The following RFX2 variants were observed in gnomAD, a reference collection of about 807,000 sequenced individuals.
The protein encoded by RFX2 is regulatory factor X2, also known as DNA-binding protein RFX2.
A neutral mutation model predicts 87.8 loss-of-function variants in RFX2; 20 were observed. That is an observed-to-expected ratio of 0.23 (90% CI 0.16 to 0.33). The LOEUF (loss-of-function observed/expected upper bound fraction) is 0.33, where lower values mean the gene tolerates loss of function less well. RFX2 is among the 10% of genes least tolerant of loss of function. The pLI is 1.00. For synonymous variants in RFX2, 397 were observed against 431.3 expected (o/e 0.92, Z 0.98); for missense variants, 767 against 1,012.3 (o/e 0.76, Z 3.29).
chr19:6,029,004 G>A (rs370274601), intron 5 of RFX2, among the ~76,000 whole-genome samples: 10 of 151,914 alleles, frequency 6.6e-5, no homozygotes, highest in East Asian at 5.8e-4. Context: ...GCTTGAATCC[G>A]GGAAGCAGAG....
rs2087337298 is a variant in RFX2 at position 6,056,158 on chromosome 19, T to C, written c.-8-8654A>G. 6.6e-6 allele frequency among the ~76,000 whole-genome samples: 1 copy of C among 152,132 alleles called. No individual in the cohort carries two copies. The highest frequency in any genetic ancestry group is 6.5e-5 in the Admixed American group (1 of 15,276). On this transcript the variant is annotated intron_variant, in intron 1 of 17. Coordinates refer to ENST00000303657, the MANE Select transcript of RFX2 (RefSeq NM_000635.4). This position sits in a 1 kb window ranked among gnomAD's most constrained non-coding sequence, Gnocchi z 4.6. ...TTGTCAAAATTAGCCAGCTAAGGTTTGTGCACTTACTGTATGTGAATTTTA... is the reference window on the plus strand; with the variant it reads ...TTGTCAAAATTAGCCAGCTAAGGTTCGTGCACTTACTGTATGTGAATTTTA...
At position 6,039,528 on chromosome 19, in the gene RFX2, G is replaced by A. The variant is rs142994159; in HGVS notation, c.522+452C>T. ...GAGACTCTGGAAAAGCAGATAAGTC[G>A]TTATTTTGCATCGGGGCATGGCAGC... is the stretch of plus-strand genomic sequence containing the variant. On this transcript the variant is annotated intron_variant, in intron 5 of 17. Transcript: ENST00000303657. The surrounding 1 kb of genome is among the most constrained non-coding windows in gnomAD (Gnocchi z 5.2). 1.3e-4 allele frequency among the ~76,000 whole-genome samples: 20 copies of A among 152,360 alleles called. No homozygotes were observed. The highest frequency in any genetic ancestry group is 2.2e-4 in the Non-Finnish European group (15 of 68,040).
rs550381199 is a variant in RFX2 at position 6,068,662 on chromosome 19, C to G, written c.-8-21158G>C. Among the ~76,000 whole-genome samples the G allele has an allele frequency of 9.9e-5, 15 of 152,008 alleles. No homozygotes were observed. In the East Asian group the frequency reaches 2.7e-3, roughly 28 times the overall value. ...GAGGGAAAAGCCAGTACAAAGGCCCCGAGGTGGGACAATGCCTGGCTTGAA... is the reference window on the plus strand; with the variant it reads ...GAGGGAAAAGCCAGTACAAAGGCCCGGAGGTGGGACAATGCCTGGCTTGAA... On this transcript the variant is annotated intron_variant, in intron 1 of 17. Coordinates refer to ENST00000303657, the MANE Select transcript of RFX2 (RefSeq NM_000635.4).
intron 5 of RFX2, among the ~76,000 whole-genome samples, chr19:6,030,087 T>C (rs2086936192): frequency 6.6e-6 from 1 of 152,214 alleles, no homozygotes; most frequent in Non-Finnish European, 1.5e-5. Context: ...AAGTAATGGC[T>C]GAAAACTTCC....
chr19:6,016,187 A>G lies in RFX2; in HGVS notation c.682T>C (p.Cys228Arg). Residue 228 changes from cysteine to arginine, a missense_variant, in exon 7 of 18, where the codon TGC (cysteine) becomes CGC (arginine). This residue lies in a region of RFX2 where 621 missense variants were observed against 873.0 expected (regional missense o/e 0.71). Transcript: ENST00000303657. This position sits in a 1 kb window ranked among gnomAD's most constrained non-coding sequence, Gnocchi z 5.4. ...ACTGGGTCTAGCTTGTGCTCCTGGC[A>G]GTGCCGAAGGTAGTGGTTGTAAAGA... ...SSLYNHYLRH[C>R]QEHKLDPVNA... 1 of 1,614,186 alleles carries G rather than the reference A, an allele frequency of 6.2e-7. No individual in the cohort carries two copies. Among genetic ancestry groups the G allele is most frequent in the Non-Finnish European group, 8.5e-7 (1 of 1,179,988 alleles).
rs374698271 is a variant in RFX2 at position 6,012,976 on chromosome 19, C to G, written c.899+10G>C. ...AGAGCCAGCTCCTCCCAGCTCGGCC[C>G]GGCACCCACCTGGGCTTCTGGTGCA... On this transcript the variant is annotated intron_variant, in intron 8 of 17. Transcript: ENST00000303657. This position sits in a 1 kb window ranked among gnomAD's most constrained non-coding sequence, Gnocchi z 4.6. 1 of 1,525,240 alleles carries G rather than the reference C, an allele frequency of 6.6e-7. No homozygotes were observed. The highest frequency in any genetic ancestry group is 8.8e-7 in the Non-Finnish European group (1 of 1,136,132). The allele number at this position is 1,525,240 out of a possible 1,614,324, so 94.5% of individuals were successfully genotyped here.
In RFX2 at chr19:6,020,541, C is replaced by A. The variant is rs1416343614; in HGVS notation, c.598-4270G>T. ...CTACGCCTCACCAGCAGGCTGGGAG[C>A]CACTTATGCACCGGGCCTTCCCATC... On this transcript the variant is annotated intron_variant, in intron 6 of 17. Coordinates refer to ENST00000303657, the MANE Select transcript of RFX2 (RefSeq NM_000635.4). The surrounding 1 kb of genome is among the most constrained non-coding windows in gnomAD (Gnocchi z 5.3). Among the ~76,000 whole-genome samples, 1 of 152,228 alleles carries A rather than the reference C, an allele frequency of 6.6e-6. No homozygotes were observed. The highest frequency in any genetic ancestry group is 2.4e-5 in the African/African-American group (1 of 41,450).
rs1409966153 is a variant in RFX2, at chr19:6,039,255, A to G, written c.522+725T>C. Among the ~76,000 whole-genome samples, 1 of 152,218 alleles carries G rather than the reference A, an allele frequency of 6.6e-6. No individual in the cohort carries two copies. Among genetic ancestry groups the G allele is most frequent in the African/African-American group, 2.4e-5 (1 of 41,450 alleles). ...TTCCATTTATACACCACGCTAGTAA[A>G]GATGAAACTACAGCAATAGGGAACA... On this transcript the variant is annotated intron_variant, in intron 5 of 17. Transcript: ENST00000303657. This position sits in a 1 kb window ranked among gnomAD's most constrained non-coding sequence, Gnocchi z 5.2.
chr19:6,063,364 C>T lies in RFX2; in HGVS notation c.-8-15860G>A, dbSNP rs768004966. Among the ~76,000 whole-genome samples, 25 of 152,352 alleles carry T rather than the reference C, an allele frequency of 1.6e-4. No homozygotes were observed. The highest frequency in any genetic ancestry group is 5.1e-4 in the African/African-American group (21 of 41,582). ...CGAGGGAGGCCAGCATGGCACACAGCGGTCCAGACTCGCAGTGACAAGGTG... is the reference window on the plus strand; with the variant it reads ...CGAGGGAGGCCAGCATGGCACACAGTGGTCCAGACTCGCAGTGACAAGGTG... On this transcript the variant is annotated intron_variant, in intron 1 of 17. Transcript: ENST00000303657. This position sits in a 1 kb window ranked among gnomAD's most constrained non-coding sequence, Gnocchi z 4.0.
rs976251416 is a variant in RFX2 at position 6,004,149 on chromosome 19, T to C, written c.1500+52A>G. 1 of 1,361,686 alleles carries C rather than the reference T, an allele frequency of 7.3e-7. No individual in the cohort carries two copies. The highest frequency in any genetic ancestry group is 1.1e-6 in the Non-Finnish European group (1 of 950,292). The allele number at this position is 1,361,686 out of a possible 1,614,324, so 84.4% of individuals were successfully genotyped here. On this transcript the variant is annotated intron_variant, in intron 13 of 17. Coordinates refer to ENST00000303657, the MANE Select transcript of RFX2 (RefSeq NM_000635.4). The surrounding 1 kb of genome is among the most constrained non-coding windows in gnomAD (Gnocchi z 4.8). The stretch of plus-strand genomic sequence containing the variant: ...CAGTGGTCCTCATGCTGTCCTGGAC[T>C]GGAGCCCCTCCCAGCCATCGTTGGG...
chr19:6,102,550 C>T (rs2144908981), intron 1 of RFX2, among the ~76,000 whole-genome samples: 1 of 152,336 alleles, frequency 6.6e-6, no homozygotes, highest in Admixed American at 6.5e-5. Flanking sequence ...AAACTTTGCC[C>T]ATGGCCTCCA....
rs924165700 is a variant in RFX2, at chr19:6,016,700, T to C, written c.598-429A>G. On this transcript the variant is annotated intron_variant, in intron 6 of 17. Transcript: ENST00000303657. This position sits in a 1 kb window ranked among gnomAD's most constrained non-coding sequence, Gnocchi z 5.4. ...GCCACCGTGCCTGGCCAGAAATCCA[T>C]CTTTATGGTCACTGATTTGAGTTCT... 1.3e-5 allele frequency among the ~76,000 whole-genome samples: 2 copies of C among 152,212 alleles called. No individual in the cohort carries two copies. Among genetic ancestry groups the C allele is most frequent in the African/African-American group, 2.4e-5 (1 of 41,460 alleles).
In RFX2 at chr19:5,994,549, G is replaced by T; in HGVS notation, c.*286C>A. Reference sequence around the variant, plus strand: ...CAAAGTCCAGGGTTCCAGCAGAGGAGGGTTTGTCCAGAATAAGGAACCCAT... The same window carrying T: ...CAAAGTCCAGGGTTCCAGCAGAGGATGGTTTGTCCAGAATAAGGAACCCAT... On this transcript the variant is annotated 3_prime_UTR_variant, in exon 18 of 18. Coordinates refer to ENST00000303657, the MANE Select transcript of RFX2 (RefSeq NM_000635.4). The T allele has an allele frequency of 2.3e-6, 1 of 442,748 alleles. No individual in the cohort carries two copies. The highest frequency in any genetic ancestry group is 4.1e-6 in the Non-Finnish European group (1 of 243,168). The allele number at this position is 442,748 out of a possible 1,614,324, so 27.4% of individuals were successfully genotyped here.
In RFX2 at chr19:6,039,338, C is replaced by T. The variant is rs1349446093; in HGVS notation, c.522+642G>A. 6.6e-6 allele frequency among the ~76,000 whole-genome samples: 1 copy of T among 152,126 alleles called. No homozygotes were observed. Among genetic ancestry groups the T allele is most frequent in the Admixed American group, 6.5e-5 (1 of 15,276 alleles). On this transcript the variant is annotated intron_variant, in intron 5 of 17. Transcript: ENST00000303657. The surrounding 1 kb of genome is among the most constrained non-coding windows in gnomAD (Gnocchi z 5.2). ...AGGTTGTGACTGCCAAGAAATACCA[C>T]GAGGGGGTTTTCAGGGCAATGCACT...
chr19:6,084,483 C>T (rs1245471650), intron 1 of RFX2, among the ~76,000 whole-genome samples: 1 of 152,100 alleles, frequency 6.6e-6, no homozygotes, highest in Non-Finnish European at 1.5e-5. Context: ...TCTCATCTTC[C>T]CAAATTGAAA....
chr19:5,994,540 A>G lies in RFX2; in HGVS notation c.*295T>C. The G allele has an allele frequency of 2.5e-6, 1 of 404,612 alleles. No individual in the cohort carries two copies. The highest frequency in any genetic ancestry group is 4.5e-6 in the Non-Finnish European group (1 of 220,926). The allele number at this position is 404,612 out of a possible 1,614,324, so 25.1% of individuals were successfully genotyped here. A position where few individuals can be genotyped will look rare whatever the true frequency, so the allele number is the denominator to read the frequency against. ...GACTGGGGCCAAAGTCCAGGGTTCC[A>G]GCAGAGGAGGGTTTGTCCAGAATAA... On this transcript the variant is annotated 3_prime_UTR_variant, in exon 18 of 18. Transcript: ENST00000303657.
intron 5 of RFX2, among the ~76,000 whole-genome samples, chr19:6,029,252 C>T (rs1291561450): frequency 1.8e-4 from 26 of 143,888 alleles, no homozygotes; most frequent in Non-Finnish European, 3.2e-4. Context: ...AATTATGAGG[C>T]ACGCAAAAAA....
intron 5 of RFX2, among the ~76,000 whole-genome samples, chr19:6,029,544 A>G (rs1406784893): frequency 6.6e-6 from 1 of 152,068 alleles, no homozygotes; most frequent in Non-Finnish European, 1.5e-5. Flanking sequence ...CCCTGTCTCT[A>G]CTAAAAATAC....
Position 6,027,952 on chromosome 19 carries a change from G to A in RFX2, c.523-1715C>T, listed in dbSNP as rs1205776513. On this transcript the variant is annotated intron_variant, in intron 5 of 17. Transcript: ENST00000303657. This position sits in a 1 kb window ranked among gnomAD's most constrained non-coding sequence, Gnocchi z 5.0. ...ATTTTTGTATTTTTTAGCAGAGACG[G>A]GATTTCTCTACGTTGGCCAAGCTGG... 2.0e-5 allele frequency among the ~76,000 whole-genome samples: 3 copies of A among 152,058 alleles called. No homozygotes were observed. In the East Asian group the frequency reaches 5.8e-4, roughly 29 times the overall value.
Sources: allele counts gnomAD v4.1 joint callset (sites outside exome capture counted in the v4.1 genomes callset), GRCh38; gene constraint gnomAD v4.1.1; regional missense constraint gnomAD v4.1.1; non-coding constraint Gnocchi (gnomAD v3.1); transcripts MANE v1.5; gene names NCBI Gene and HGNC (gene_info 2026-07-23, HGNC 2026-07-21).